Variants in SP100 observed in about 807,000 individuals in gnomAD.
SP100 encodes the protein SP100 nuclear body protein, also known as nuclear autoantigen Sp-100.
In SP100, 84 loss-of-function variants were observed where a neutral mutation model predicts 130.0. That is an observed-to-expected ratio of 0.65 (90% CI 0.54 to 0.77). The LOEUF (loss-of-function observed/expected upper bound fraction) is 0.77, where lower values mean the gene tolerates loss of function less well. Ranked by LOEUF, SP100 falls within the 30% of genes least tolerant of loss-of-function variation. SP100 has a pLI of 0.00. For synonymous variants in SP100, 331 were observed against 351.7 expected, an observed-to-expected ratio of 0.94 and a Z score of 0.66; for missense variants, 978 against 1,052.2, an observed-to-expected ratio of 0.93 and a Z score of 0.97.
In SP100 at chr2:230,541,894, CAG is replaced by C; in HGVS notation, c.2411_2412del (p.Glu804GlyfsTer20). On this transcript the variant is annotated frameshift_variant, in exon 28 of 29. Coordinates refer to ENST00000340126, the MANE Select transcript of SP100 (RefSeq NM_001080391.2). LOFTEE classifies it high-confidence loss of function. ...CATTTTGGTCTTTTACTCAACAGAA[CAG>C]AGAGGGGTCTCAGGGCCCACAGAAG... ...CFFASEPYYN[R>X]EGSQGPQKPM... is the part of the protein sequence containing the mutation. The C allele has an allele frequency of 6.2e-7, 1 of 1,613,744 alleles. No individual in the cohort carries two copies. Among genetic ancestry groups the C allele is most frequent in the East Asian group, 2.2e-5 (1 of 44,870 alleles).
At chr2:230,497,303 C>T (rs1055671967) in intron 18 of SP100, among the ~76,000 whole-genome samples, 2 of 151,598 alleles carry the variant, frequency 1.3e-5, no homozygotes. Context: ...CATAGATGAA[C>T]AGAAAAAGAG....
At chr2:230,432,257 G>A (rs905925050) in intron 2 of SP100, among the ~76,000 whole-genome samples, 1 of 152,012 alleles carries the variant, frequency 6.6e-6, no homozygotes, top group African/African-American at 2.4e-5. Context: ...CCATTATATG[G>A]CTCTATCAAT....
intron 24 of SP100, among the ~76,000 whole-genome samples, chr2:230,521,311 C>T (rs538185041): frequency 1.3e-5 from 2 of 152,204 alleles, no homozygotes; most frequent in Admixed American, 6.5e-5. Flanking sequence ...TATCAGAGGC[C>T]GTTTCTCAGG....
chr2:230,542,183 A>G, intron 28 of SP100, 148 bp downstream of exon 28: 3 of 871,250 alleles, frequency 3.4e-6, no homozygotes, highest in Non-Finnish European at 5.3e-6. Context: ...AGTATCCTAA[A>G]AGCCCTGTAG....
At chr2:230,533,126 C>G (rs1464612667) in intron 24 of SP100, among the ~76,000 whole-genome samples, 2 of 152,206 alleles carry the variant, frequency 1.3e-5, no homozygotes, top group East Asian at 3.9e-4. Context: ...TGTGTGTGTG[C>G]TTAATCTCAT....
intron 24 of SP100, among the ~76,000 whole-genome samples, chr2:230,530,785 G>C (rs1394157865): frequency 1.3e-5 from 2 of 152,144 alleles, no homozygotes; most frequent in Non-Finnish European, 2.9e-5. Flanking sequence ...CTTTTCAAAA[G>C]AAGACATTTA....
chr2:230,508,159 A>C (rs146094167), intron 23 of SP100, 128 bp downstream of exon 23: 3 of 1,468,938 alleles, frequency 2.0e-6, no homozygotes, highest in Non-Finnish European at 2.7e-6. Context: ...ATGCTTTTGC[A>C]GTTGCTGCTT....
At chr2:230,430,671 G>A (rs1167003701) in intron 2 of SP100, among the ~76,000 whole-genome samples, 9 of 152,224 alleles carry the variant, frequency 5.9e-5, no homozygotes, top group East Asian at 1.9e-4. Flanking sequence ...CACAGGCTAC[G>A]TTCTACATTT....
intron 8 of SP100, 95 bp from the exon 9 acceptor site, chr2:230,461,167 C>G: frequency 3.3e-6 from 4 of 1,201,718 alleles, no homozygotes; most frequent in Non-Finnish European, 4.8e-6. Flanking sequence ...AAGGTCTAGC[C>G]CCAGCAGTGA....
chr2:230,518,510 T>A (rs1691028165), intron 24 of SP100, among the ~76,000 whole-genome samples: 1 of 151,856 alleles, frequency 6.6e-6, no homozygotes. Flanking sequence ...CATTTTCCCA[T>A]AACAAAAACA....
chr2:230,501,210 T>C (rs1451109377), intron 19 of SP100, among the ~76,000 whole-genome samples: 1 of 152,044 alleles, frequency 6.6e-6, no homozygotes, highest in Non-Finnish European at 1.5e-5. Flanking sequence ...GCCACTGCAC[T>C]CCAGCCTGAG....
chr2:230,461,129 G>A, intron 8 of SP100, 133 bp from the exon 9 acceptor site: 1 of 794,664 alleles, frequency 1.3e-6, no homozygotes, highest in Non-Finnish European at 2.0e-6. Flanking sequence ...ACAGAGTTGA[G>A]CAAAAGGAAA....
intron 2 of SP100, among the ~76,000 whole-genome samples, chr2:230,422,931 AT>A (rs2062812660): frequency 6.6e-6 from 1 of 152,122 alleles, no homozygotes; most frequent in Admixed American, 6.5e-5. Flanking sequence ...TACAATTTTC[AT>A]TTCTTATTTT....
intron 10 of SP100, among the ~76,000 whole-genome samples, chr2:230,462,805 G>A (rs1472074202): frequency 1.3e-5 from 2 of 152,180 alleles, no homozygotes; most frequent in Non-Finnish European, 2.9e-5. Context: ...CAAGTGATGA[G>A]TTTGTTTTTA....
intron 9 of SP100, 95 bp from the exon 10 acceptor site, chr2:230,462,340 T>C (rs948711494): frequency 6.6e-6 from 6 of 909,578 alleles, no homozygotes; most frequent in Non-Finnish European, 1.1e-5. Context: ...CTTAGCTTCC[T>C]GGGTCTTCCT....
intron 9 of SP100, among the ~76,000 whole-genome samples, chr2:230,461,770 G>A (rs545621432): frequency 2.2e-4 from 33 of 151,928 alleles, no homozygotes; most frequent in Admixed American, 6.6e-4. Context: ...GCAACATGGC[G>A]AAACCCCATC....
At position 230,443,199 on chromosome 2, in the gene SP100, G is replaced by C. The variant is rs1045709777; in HGVS notation, c.270+100G>C. On this transcript the variant is annotated intron_variant, in intron 3 of 28. Coordinates refer to ENST00000340126, the MANE Select transcript of SP100 (RefSeq NM_001080391.2). ...AACTTCAGGGTACAATTTGCTAACTGACAGGTCTCCTATGAGTGGGGAACT... is the reference window on the plus strand; with the variant it reads ...AACTTCAGGGTACAATTTGCTAACTCACAGGTCTCCTATGAGTGGGGAACT... 15 of 1,152,306 alleles carry C rather than the reference G, an allele frequency of 1.3e-5. No individual in the cohort carries two copies. In the African/African-American group the frequency reaches 2.2e-4, roughly 17 times the overall value. 71.4% of individuals were successfully genotyped at this position (1,152,306 alleles called of 1,614,324 possible). A position where few individuals can be genotyped will look rare whatever the true frequency, so the allele number is the denominator to read the frequency against.
intron 2 of SP100, among the ~76,000 whole-genome samples, chr2:230,422,985 A>G (rs1172805959): frequency 6.6e-6 from 1 of 152,216 alleles, no homozygotes; most frequent in African/African-American, 2.4e-5. Flanking sequence ...CAGCCTCATG[A>G]AATAACTGAG....
At chr2:230,459,713 C>T (rs898803897) in intron 8 of SP100, among the ~76,000 whole-genome samples, 1 of 152,162 alleles carries the variant, frequency 6.6e-6, no homozygotes, top group Non-Finnish European at 1.5e-5. Context: ...TTCTCTTCAT[C>T]CCCAGCACGA....
Sources: gnomAD v4.1 joint callset for allele counts (sites outside exome capture counted in the v4.1 genomes callset) on GRCh38, gnomAD v4.1.1 for gene constraint, MANE v1.5 for transcripts, NCBI Gene and HGNC (gene_info 2026-07-23, HGNC 2026-07-21) for gene names.